Variants in DUOX2 observed in about 807,000 individuals in gnomAD.
DUOX2 encodes dual oxidase 2.
DUOX2 carries 185 observed loss-of-function variants against 183.3 expected under a neutral mutation model. The ratio of observed to expected loss-of-function variants is 1.01; its 90% CI spans 0.90 to 1.14. The LOEUF (loss-of-function observed/expected upper bound fraction) is 1.14, where lower values mean the gene tolerates loss of function less well. Ranked by LOEUF, DUOX2 falls within the 50% of genes most tolerant of loss-of-function variation. The probability of loss-of-function intolerance (pLI) is 0.00; values close to 1 mark genes in which losing one functional copy is unlikely to be tolerated. For missense variants in DUOX2, 1,999 were observed against 2,022.9 expected (o/e 0.99, Z 0.23); for synonymous variants, 788 against 812.4 (o/e 0.97, Z 0.51).
At position 45,097,250 on chromosome 15, in the gene DUOX2, G is replaced by T. The variant is rs1470187509; in HGVS notation, c.3835C>A (p.Leu1279Met). 1.2e-6 allele frequency: 2 copies of T among 1,614,084 alleles called. No homozygotes were observed. The highest frequency in any genetic ancestry group is 1.7e-6 in the Non-Finnish European group (2 of 1,180,052). ...CTGGGCCTGATACCTGAGGGCAGCA[G>T]CTCCGCCTTCACCACGCTGATCTCC... is the stretch of plus-strand genomic sequence containing the variant. Reference protein sequence around the residue: ...KVEISVVKAELLPSGVTYLQF... With the variant: ...KVEISVVKAEMLPSGVTYLQF... Residue 1279 changes from leucine to methionine, a missense_variant, in exon 29 of 34, where the codon CTG becomes ATG. By Grantham distance (15) the Leu-to-Met change is conservative. Around this residue, in one of 3 missense-constraint regions of DUOX2, gnomAD observed 1,628 missense variants for 1,608.6 expected, o/e 1.01. Transcript: ENST00000389039.
Position 45,106,514 on chromosome 15 carries a change from C to T in DUOX2, c.1945+14G>A. 6.2e-7 allele frequency: 1 copy of T among 1,613,520 alleles called. No individual in the cohort carries two copies. Among genetic ancestry groups the T allele is most frequent in the Non-Finnish European group, 8.5e-7 (1 of 1,179,526 alleles). On this transcript the variant is annotated intron_variant, in intron 16 of 33. Coordinates refer to ENST00000389039, the MANE Select transcript of DUOX2 (RefSeq NM_001363711.2). The stretch of plus-strand genomic sequence containing the variant: ...CTCCGTCCCTCCTCCCTCCTCTGCC[C>T]AGCCCCTGCTCACCTGGCACTCCAT...
In DUOX2 at chr15:45,099,383, C is replaced by T; in HGVS notation, c.3515G>A (p.Gly1172Glu). 6.2e-7 allele frequency: 1 copy of T among 1,613,538 alleles called. No individual in the cohort carries two copies. Among genetic ancestry groups the T allele is most frequent in the Non-Finnish European group, 8.5e-7 (1 of 1,179,532 alleles). Residue 1172 changes from glycine (G) to glutamate (E), a missense_variant and splice_region_variant, in exon 26 of 34, where the codon GGG (glycine) becomes GAG (glutamate). By Grantham distance (98) the Gly-to-Glu change is moderately conservative (BLOSUM62 -2). Transcript: ENST00000389039. ...CIFPNVFVND[G>E]SKLPQKFYWW... Reference sequence around the variant, plus strand: ...AGGAGAAACCATCCCCAGAACTGACCCATCATTCACAAAGACGTTGGGGAA... The same window carrying T: ...AGGAGAAACCATCCCCAGAACTGACTCATCATTCACAAAGACGTTGGGGAA...
chr15:45,099,406 G>A lies in DUOX2; in HGVS notation c.3492C>T (p.Phe1164=), dbSNP rs267604227. The change falls in exon 26 of 34, where the codon TTC becomes TTT. Residue 1164 remains phenylalanine (F), a synonymous_variant. Coordinates refer to ENST00000389039, the MANE Select transcript of DUOX2 (RefSeq NM_001363711.2). ...VSPLSLLACI[F]PNVFVNDGSK... is the part of the protein sequence containing the mutation. The stretch of plus-strand genomic sequence containing the variant: ...ACCCATCATTCACAAAGACGTTGGG[G>A]AATATGCAGGCCAGCAGGCTGAGTG... 7.4e-6 allele frequency: 12 copies of A among 1,614,088 alleles called. No individual in the cohort carries two copies. In the East Asian group the frequency reaches 8.9e-5, roughly 12 times the overall value.
Position 45,107,495 on chromosome 15 carries a change from G to C in DUOX2, c.1575-32C>G, listed in dbSNP as rs762189777. On this transcript the variant is annotated intron_variant, in intron 13 of 33. Coordinates refer to ENST00000389039, the MANE Select transcript of DUOX2 (RefSeq NM_001363711.2). Reference sequence around the variant, plus strand: ...TGGAGGAAGTAGAAGTCACTGGGATGGGAAGGGGATGCAGGCCTCCAGCAA... The same window carrying C: ...TGGAGGAAGTAGAAGTCACTGGGATCGGAAGGGGATGCAGGCCTCCAGCAA... 1.2e-5 allele frequency: 20 copies of C among 1,610,616 alleles called. 1 individual carries two copies. In the Admixed American group the frequency reaches 3.2e-4, roughly 26 times the overall value.
In DUOX2 at chr15:45,101,901, C is replaced by A; in HGVS notation, c.2743G>T (p.Asp915Tyr). The A allele has an allele frequency of 6.2e-7, 1 of 1,614,236 alleles. No homozygotes were observed. The highest frequency in any genetic ancestry group is 8.5e-7 in the Non-Finnish European group (1 of 1,180,048). The part of the protein sequence containing the change: ...ESMFRESGFQ[D>Y]KEELTWEDFH... ...TCCTCCCATGTCAGCTCCTCCTTGT[C>A]CTGGAATCCCGACTCCCGGAACATA... is the stretch of plus-strand genomic sequence containing the variant. The change falls in exon 21 of 34, where the codon GAC (aspartate) becomes TAC (tyrosine). Residue 915 changes from aspartate to tyrosine, a missense_variant. Physicochemically the swap from Asp to Tyr is radical, Grantham distance 160. Around this residue, in one of 3 missense-constraint regions of DUOX2, gnomAD observed 1,628 missense variants for 1,608.6 expected, o/e 1.01. Coordinates refer to ENST00000389039, the MANE Select transcript of DUOX2 (RefSeq NM_001363711.2).
At position 45,111,402 on chromosome 15, in the gene DUOX2, C is replaced by T. The variant is rs1894396848; in HGVS notation, c.697G>A (p.Gly233Arg). The change falls in exon 6 of 34, where the codon GGG becomes AGG. Residue 233 changes from glycine (G) to arginine (R), a missense_variant. Gly to Arg is a moderately radical substitution (Grantham distance 125). Transcript: ENST00000389039. Reference sequence around the variant, plus strand: ...GCCTCACCGTACAGCCCCCGGGGCCCGTTCTGCCCGGTGGCGGGGTCGGGC... The same window carrying T: ...GCCTCACCGTACAGCCCCCGGGGCCTGTTCTGCCCGGTGGCGGGGTCGGGC... ...AAPDPATGQN[G>R]PRGLYAFGAE... The T allele has an allele frequency of 2.7e-6, 4 of 1,464,026 alleles. No individual in the cohort carries two copies. Among genetic ancestry groups the T allele is most frequent in the Non-Finnish European group, 3.6e-6 (4 of 1,110,132 alleles). The allele number at this position is 1,464,026 out of a possible 1,614,324, so 90.7% of individuals were successfully genotyped here.
At chr15:45,107,137 A>G (rs1294918883) in intron 14 of DUOX2, among the ~76,000 whole-genome samples, 168 bp from the exon 15 acceptor site, 1 of 152,172 alleles carries the variant, frequency 6.6e-6, no homozygotes, top group Non-Finnish European at 1.5e-5. Context: ...GTCTCTTGGC[A>G]TCTACCCCAT....
At chr15:45,097,588 T>C (rs1330775676) in intron 28 of DUOX2, 26 bp downstream of exon 28, 8 of 1,614,208 alleles carry the variant, frequency 5.0e-6, no homozygotes, top group Non-Finnish European at 8.5e-7. Context: ...CCCTGCTCCA[T>C]GGGCTGGCCC....
intron 4 of DUOX2, among the ~76,000 whole-genome samples, 162 bp from the exon 5 acceptor site, chr15:45,112,117 T>G (rs927923476): frequency 6.6e-6 from 1 of 152,188 alleles, no homozygotes; most frequent in Non-Finnish European, 1.5e-5. Context: ...AATTTTCTAA[T>G]CTGCAAAGTA....
intron 18 of DUOX2, among the ~76,000 whole-genome samples, chr15:45,104,852 GC>G (rs1229626654): frequency 6.6e-6 from 1 of 152,088 alleles, no homozygotes; most frequent in East Asian, 1.9e-4. Context: ...ATGGAGTCTT[GC>G]TCTGTCACCC....
chr15:45,104,138 A>T lies in DUOX2; in HGVS notation c.2560+2T>A. ...ATAGCCTGCCACCTCCCAGCCCCCT[A>T]CCTTTCATGAAGACCACCAGGATGT... On this transcript the variant is annotated splice_donor_variant, in intron 19 of 33. Transcript: ENST00000389039. LOFTEE classifies it high-confidence loss of function. 6.2e-7 allele frequency: 1 copy of T among 1,614,092 alleles called. No individual in the cohort carries two copies. Among genetic ancestry groups the T allele is most frequent in the Non-Finnish European group, 8.5e-7 (1 of 1,180,002 alleles).
chr15:45,106,806 T>C lies in DUOX2; in HGVS notation c.1831+26A>G, dbSNP rs1344445825. 3 of 1,598,190 alleles carry C rather than the reference T, an allele frequency of 1.9e-6. No individual in the cohort carries two copies. In the African/African-American group the frequency reaches 4.0e-5, roughly 21 times the overall value. On this transcript the variant is annotated intron_variant, in intron 15 of 33. Transcript: ENST00000389039. ...CAGGAAATGAGGGGCAGGGCCAGTC[T>C]GCAGAGAGGCTGCCTAAGAGCTCAC...
rs761399857 is a variant in DUOX2, at chr15:45,101,933, A to G, written c.2711T>C (p.Val904Ala). 4.3e-6 allele frequency: 7 copies of G among 1,614,142 alleles called. No homozygotes were observed. Among genetic ancestry groups the G allele is most frequent in the Non-Finnish European group, 5.9e-6 (7 of 1,180,014 alleles). The stretch of plus-strand genomic sequence containing the variant: ...TCCCGACTCCCGGAACATAGACTCC[A>G]CCACCTCGGCCAGCTGGGCCTTGGA... The part of the protein sequence containing the change: ...CLSKAQLAEV[V>A]ESMFRESGFQ... The change falls in exon 21 of 34, where the codon GTG becomes GCG. Residue 904 changes from valine to alanine, a missense_variant. Physicochemically the swap from Val to Ala is moderately conservative, Grantham distance 64. Around this residue, in one of 3 missense-constraint regions of DUOX2, gnomAD observed 1,628 missense variants for 1,608.6 expected, o/e 1.01. Transcript: ENST00000389039.
At chr15:45,100,332 G>A in intron 23 of DUOX2, 104 bp from the exon 24 acceptor site, 1 of 1,129,534 alleles carries the variant, frequency 8.9e-7, no homozygotes, top group Non-Finnish European at 1.3e-6. Flanking sequence ...GCATCAGGAT[G>A]GGCCACAACA....
chr15:45,111,141 G>T lies in DUOX2; in HGVS notation c.852C>A (p.His284Gln). The T allele has an allele frequency of 1.6e-6, 2 of 1,286,084 alleles. No individual in the cohort carries two copies. The highest frequency in any genetic ancestry group is 2.1e-6 in the Non-Finnish European group (2 of 944,136). The allele number at this position is 1,286,084 out of a possible 1,614,324, so 79.7% of individuals were successfully genotyped here. The change falls in exon 7 of 34, where the codon CAC becomes CAA. Residue 284 changes from histidine to glutamine, a missense_variant. By Grantham distance (24) the His-to-Gln change is conservative. Transcript: ENST00000389039. ...AGGTGGCGATGACCCTCTTGCGTGC[G>T]TGCTGGAACAGCTCCTCGTCCTCCC... ...PDWEDEELFQ[H>Q]ARKRVIATYQ...
chr15:45,094,317 G>A, intron 33 of DUOX2, 45 bp from the exon 34 acceptor site: 3 of 1,613,516 alleles, frequency 1.9e-6, no homozygotes, highest in East Asian at 2.2e-5. Context: ...GCCTAAAGGT[G>A]CTCACTCTCC....
chr15:45,101,231 C>G lies in DUOX2; in HGVS notation c.2895G>C (p.Ser965=). The stretch of plus-strand genomic sequence containing the variant: ...GCTCCCCAGGTGTCCGAGTGATGAA[C>G]GAGACTCGACAGCTGATGTTTTGTT... ...IFKQNISCRV[S]FITRTPGERS... Residue 965 remains serine, a synonymous_variant, in exon 22 of 34, where the codon TCG becomes TCC. Coordinates refer to ENST00000389039, the MANE Select transcript of DUOX2 (RefSeq NM_001363711.2). The G allele has an allele frequency of 1.2e-6, 2 of 1,604,622 alleles. No homozygotes were observed. Among genetic ancestry groups the G allele is most frequent in the Non-Finnish European group, 1.7e-6 (2 of 1,173,298 alleles).
At position 45,112,631 on chromosome 15, in the gene DUOX2, C is replaced by A. The variant is rs1484014020; in HGVS notation, c.248G>T (p.Arg83Leu). 1.2e-6 allele frequency: 2 copies of A among 1,612,724 alleles called. No individual in the cohort carries two copies. The highest frequency in any genetic ancestry group is 1.3e-5 in the African/African-American group (1 of 74,914). Residue 83 changes from arginine (R) to leucine (L), a missense_variant, in exon 4 of 34, where the codon CGG (arginine) becomes CTG (leucine). Transcript: ENST00000389039. ...LEEPQLPNPR[R>L]LSNAATRGIA... ...GCCCCGCGTGGCTGCGTTGCTGAGC[C>A]GGCGCGGGTTGGGCAGCTGCGGCTC...
chr15:45,095,817 G>A lies in DUOX2; in HGVS notation c.4080+11C>T, dbSNP rs1253938882. 1 of 1,611,164 alleles carries A rather than the reference G, an allele frequency of 6.2e-7. No homozygotes were observed. The highest frequency in any genetic ancestry group is 1.7e-5 in the Admixed American group (1 of 59,990). On this transcript the variant is annotated intron_variant, in intron 30 of 33. Transcript: ENST00000389039. ...CAGAGGCCCGGAAGCAGGGTTCCCA[G>A]TGACGGGCACCTTTGGGTATCCAGC...
Sources: allele counts gnomAD v4.1 joint callset (sites outside exome capture counted in the v4.1 genomes callset), GRCh38; gene constraint gnomAD v4.1.1; regional missense constraint gnomAD v4.1.1; transcripts MANE v1.5; gene names NCBI Gene and HGNC (gene_info 2026-07-23, HGNC 2026-07-21).